PDE10A: variants seen among roughly 807,000 people sequenced by gnomAD.
The protein encoded by PDE10A is phosphodiesterase 10A.
PDE10A carries 39 observed loss-of-function variants against 97.7 expected under a neutral mutation model. The observed-to-expected ratio is 0.40, with a 90% confidence interval of 0.31 to 0.52. The LOEUF is 0.52. Among genes scored for constraint, PDE10A ranks in the 20% least tolerant of loss-of-function variants. The probability of loss-of-function intolerance (pLI) is 0.56; values close to 1 mark genes in which losing one functional copy is unlikely to be tolerated. For synonymous variants in PDE10A, 371 were observed against 376.8 expected (o/e 0.98, Z 0.18); for missense variants, 731 against 1,047.8 (o/e 0.70, Z 4.17).
intron 1 of PDE10A, among the ~76,000 whole-genome samples, chr6:165,788,962 G>T (rs1778574033): frequency 6.6e-6 from 1 of 152,118 alleles, no homozygotes; most frequent in African/African-American, 2.4e-5. Context: ...AGGGAGAGAG[G>T]TGGTGGAAAA....
chr6:165,535,415 A>G (rs553523896), intron 2 of PDE10A, among the ~76,000 whole-genome samples: 3 of 151,526 alleles, frequency 2.0e-5, no homozygotes, highest in Middle Eastern at 3.4e-3. Context: ...CTATTATTCC[A>G]CTCTCTATGT....
At chr6:165,523,182 T>C (rs1417695603) in intron 2 of PDE10A, among the ~76,000 whole-genome samples, 1 of 152,134 alleles carries the variant, frequency 6.6e-6, no homozygotes. Flanking sequence ...ATAATTAAAA[T>C]GGCCTTATCA....
At chr6:165,736,389 G>A (rs1341504661) in intron 1 of PDE10A, among the ~76,000 whole-genome samples, 3 of 152,144 alleles carry the variant, frequency 2.0e-5, no homozygotes, top group African/African-American at 7.2e-5. Flanking sequence ...AAGAGGGTAG[G>A]AAGGACAGTT....
intron 3 of PDE10A, among the ~76,000 whole-genome samples, chr6:165,460,592 T>A (rs1778263251): frequency 6.6e-6 from 1 of 152,174 alleles, no homozygotes; most frequent in Admixed American, 6.5e-5. Context: ...GCACTGGCCG[T>A]CCGATTGGCC....
chr6:165,565,193 GA>G (rs1253329598), intron 1 of PDE10A, among the ~76,000 whole-genome samples: 1 of 152,100 alleles, frequency 6.6e-6, no homozygotes, highest in Non-Finnish European at 1.5e-5. Context: ...TGTCTATATA[GA>G]AAAATTTTTT....
At position 165,932,276 on chromosome 6, in the gene PDE10A, G is replaced by A. The variant is rs181857382; in HGVS notation, c.-615+55253C>T. Reference sequence around the variant, plus strand: ...TAACTTTGTTACATTTTTTATCTGCGTTCTTAAAAGTTGGAACAGAATAAT... The same window carrying A: ...TAACTTTGTTACATTTTTTATCTGCATTCTTAAAAGTTGGAACAGAATAAT... On this transcript the variant is annotated intron_variant, in intron 1 of 19. Coordinates refer to the PDE10A transcript ENST00000366882. 7.8e-4 allele frequency among the ~76,000 whole-genome samples: 119 copies of A among 152,146 alleles called. 1 individual carries two copies. The highest frequency in any genetic ancestry group is 6.3e-3 in the Admixed American group (97 of 15,278).
At position 165,343,599 on chromosome 6, in the gene PDE10A, T is replaced by A. The variant is rs191256521; in HGVS notation, c.2784-97A>T. 716 of 833,276 alleles carry A rather than the reference T, an allele frequency of 8.6e-4. 4 individuals are homozygous for A. The African/African-American group carries it at 9.6e-3, about 11-fold the overall frequency. 51.6% of individuals were successfully genotyped at this position (833,276 alleles called of 1,614,324 possible). On this transcript the variant is annotated intron_variant, in intron 18 of 21. Coordinates refer to ENST00000539869, the MANE Select transcript of PDE10A (RefSeq NM_001385079.1). Reference sequence around the variant, plus strand: ...GTATTTCAGGAGTGAAGTTTAAGTATGTATTACTTCATTAAAGAGCACACA... The same window carrying A: ...GTATTTCAGGAGTGAAGTTTAAGTAAGTATTACTTCATTAAAGAGCACACA...
At chr6:165,334,381 C>T (rs112801834) in intron 21 of PDE10A, among the ~76,000 whole-genome samples, 6 of 150,640 alleles carry the variant, frequency 4.0e-5, no homozygotes, top group South Asian at 2.1e-4. Context: ...CGCCCTACAG[C>T]GCCGGGCACG....
intron 1 of PDE10A, among the ~76,000 whole-genome samples, chr6:165,958,458 A>G (rs1273835987): frequency 1.1e-4 from 8 of 73,912 alleles, no homozygotes; most frequent in Non-Finnish European, 2.7e-4. Flanking sequence ...AAGAGAGAAA[A>G]CAAAAGAAAG....
intron 1 of PDE10A, among the ~76,000 whole-genome samples, chr6:165,712,625 T>C (rs1007415415): frequency 2.3e-5 from 3 of 131,822 alleles, no homozygotes; most frequent in Non-Finnish European, 4.7e-5. Context: ...CGTTTCAACT[T>C]TCTTTCTTTT....
intron 1 of PDE10A, among the ~76,000 whole-genome samples, chr6:165,571,911 A>G (rs1785066701): frequency 6.6e-6 from 1 of 152,192 alleles, no homozygotes; most frequent in Non-Finnish European, 1.5e-5. Flanking sequence ...TTCTTTCTTA[A>G]TATTTAGGAG....
At chr6:165,718,641 C>G (rs1321879693) in intron 1 of PDE10A, among the ~76,000 whole-genome samples, 1 of 151,958 alleles carries the variant, frequency 6.6e-6, no homozygotes, top group Non-Finnish European at 1.5e-5. Flanking sequence ...CCCGAACCCC[C>G]ACCTTTTCCC....
intron 1 of PDE10A, among the ~76,000 whole-genome samples, chr6:165,879,603 T>C (rs1026882429): frequency 6.6e-6 from 1 of 152,228 alleles, no homozygotes; most frequent in African/African-American, 2.4e-5. Flanking sequence ...CCTACAGATA[T>C]CAAAATCCTC....
At position 165,864,964 on chromosome 6, in the gene PDE10A, G is replaced by A. The variant is rs145893061; in HGVS notation, c.-615+122565C>T. Among the ~76,000 whole-genome samples the A allele has an allele frequency of 1.6e-3, 242 of 152,324 alleles. 1 individual carries two copies. Among genetic ancestry groups the A allele is most frequent in the African/African-American group, 5.6e-3 (234 of 41,578 alleles). On this transcript the variant is annotated intron_variant, in intron 1 of 19. Transcript: ENST00000366882. ...TAGGAGCTATGACATTTAGATTCAT[G>A]ACTTTACTCTTTAAAATATTTTTTC... is the stretch of plus-strand genomic sequence containing the variant.
At chr6:165,352,129 C>T (rs1026685953) in intron 18 of PDE10A, among the ~76,000 whole-genome samples, 1 of 152,212 alleles carries the variant, frequency 6.6e-6, no homozygotes, top group Non-Finnish European at 1.5e-5. Context: ...GCTGGGATTA[C>T]AGGCATGAGC....
rs376352432 is a variant in PDE10A at position 165,562,967 on chromosome 6, A to G, written c.866-19399T>C. Among the ~76,000 whole-genome samples the G allele has an allele frequency of 2.0e-5, 3 of 152,206 alleles. No homozygotes were observed. In the South Asian group the frequency reaches 6.2e-4, roughly 32 times the overall value. ...TATGGTGCACAGAAAGCCTCCTGAC[A>G]GCTAAGAATTATCCACAGAAAGCAT... On this transcript the variant is annotated intron_variant, in intron 1 of 21. Transcript: ENST00000539869.
At chr6:165,528,218 A>G (rs750705820) in intron 2 of PDE10A, among the ~76,000 whole-genome samples, 7 of 151,842 alleles carry the variant, frequency 4.6e-5, no homozygotes, top group African/African-American at 7.2e-5. Context: ...AACTGTGAAG[A>G]TATTTGTATG....
At chr6:165,957,002 C>G (rs62425367) in intron 1 of PDE10A, among the ~76,000 whole-genome samples, 7,440 of 152,236 alleles carry the variant, frequency 0.049, 234 homozygotes, top group Middle Eastern at 0.13. Flanking sequence ...TAGGAACACA[C>G]CACACAGCTG....
intron 1 of PDE10A, among the ~76,000 whole-genome samples, chr6:165,737,753 T>TG (rs1397720333): frequency 1.3e-5 from 2 of 152,162 alleles, no homozygotes; most frequent in African/African-American, 4.8e-5. Context: ...AAGACAAGGA[T>TG]GCCCACTCTT....
Sources: gnomAD v4.1 joint callset for allele counts (sites outside exome capture counted in the v4.1 genomes callset) on GRCh38, gnomAD v4.1.1 for gene constraint, MANE v1.5 for transcripts, NCBI Gene and HGNC (gene_info 2026-07-23, HGNC 2026-07-21) for gene names.